The following CCHCR1 variants were observed in gnomAD, a reference collection of about 807,000 sequenced individuals.
CCHCR1 encodes the protein HCR (a-helix coiled-coil rod homologue).
A neutral mutation model predicts 114.6 loss-of-function variants in CCHCR1; 91 were observed. The observed-to-expected ratio is 0.79, with a 90% CI of 0.67 to 0.94. CCHCR1 has a LOEUF of 0.94. Among genes scored for constraint, CCHCR1 ranks in the 40% least tolerant of loss-of-function variants. CCHCR1 has a pLI of 0.00. For missense variants in CCHCR1, 899 were observed against 1,079.9 expected, an observed-to-expected ratio of 0.83 and a Z score of 2.35; for synonymous variants, 379 against 428.5, an observed-to-expected ratio of 0.88 and a Z score of 1.43.
At position 31,144,634 on chromosome 6, in the gene CCHCR1, G is replaced by A. The variant is rs773959414; in HGVS notation, c.2167+53C>T. 5 of 1,146,696 alleles carry A rather than the reference G, an allele frequency of 4.4e-6. No homozygotes were observed. Among genetic ancestry groups the A allele is most frequent in the Non-Finnish European group, 6.4e-6 (5 of 777,740 alleles). 71.0% of individuals were successfully genotyped at this position (1,146,696 alleles called of 1,614,324 possible). ...TTTGAGGGGAAAATAATAACCTTATGTCTTAACACTTCCTTCTTCCTGGAA... is the reference window on the plus strand; with the variant it reads ...TTTGAGGGGAAAATAATAACCTTATATCTTAACACTTCCTTCTTCCTGGAA... On this transcript the variant is annotated intron_variant, in intron 15 of 17. Transcript: ENST00000396268. The surrounding 1 kb of genome is among the most constrained non-coding windows in gnomAD (Gnocchi z 4.6).
chr6:31,157,503 G>C lies in CCHCR1; in HGVS notation c.98C>G (p.Ser33Ter), dbSNP rs1776220998. 1 of 1,613,024 alleles carries C rather than the reference G, an allele frequency of 6.2e-7. No homozygotes were observed. Among genetic ancestry groups the C allele is most frequent in the African/African-American group, 1.3e-5 (1 of 75,032 alleles). Reference sequence around the variant, plus strand: ...TTCTCTCCATGGCTCAGCAAGGCCTGAGGGAAGCCCATCCAGACACCAGCA... The same window carrying C: ...TTCTCTCCATGGCTCAGCAAGGCCTCAGGGAAGCCCATCCAGACACCAGCA... Reference protein sequence around the residue: ...MACWCLDGLPSGLAEPWRELW... With the variant: ...MACWCLDGLP Residue 33 changes from serine (S) to a stop codon, truncating the protein, a stop_gained, in exon 1 of 18, where the codon TCA (serine) becomes TGA (stop). Transcript: ENST00000396268. LOFTEE classifies it high-confidence loss of function.
At position 31,151,573 on chromosome 6, in the gene CCHCR1, C is replaced by T. The variant is rs925838720; in HGVS notation, c.802-451G>A. ...GGGGAGTCTGCTGAGAACCAGACAG[C>T]GGCCCCTCCTTGCTCCACAGACCCC... On this transcript the variant is annotated intron_variant, in intron 4 of 17. Transcript: ENST00000396268. This position sits in a 1 kb window ranked among gnomAD's most constrained non-coding sequence, Gnocchi z 4.1. 6.6e-6 allele frequency among the ~76,000 whole-genome samples: 1 copy of T among 152,316 alleles called. No individual in the cohort carries two copies. Among genetic ancestry groups the T allele is most frequent in the Non-Finnish European group, 1.5e-5 (1 of 68,020 alleles).
rs1561833818 is a variant in CCHCR1 at position 31,157,639 on chromosome 6, CCGCCT to C, written c.-44_-40del. The C allele has an allele frequency of 1.8e-5, 27 of 1,521,404 alleles. No individual in the cohort carries two copies. The highest frequency in any genetic ancestry group is 2.4e-5 in the Non-Finnish European group (27 of 1,116,464). 94.2% of individuals were successfully genotyped at this position (1,521,404 alleles called of 1,614,324 possible). On this transcript the variant is annotated 5_prime_UTR_variant, in exon 1 of 18. The change abolishes the stop of an existing upstream ORF in the 5' untranslated region. Transcript: ENST00000396268. ...CTCCCCAAGACCTTGGGAATCCAGG[CCGCCT>C]AGATCCCCAGGCAGAAAAGCCAGCG...
Position 31,144,880 on chromosome 6 carries a change from G to A in CCHCR1, c.2065+5C>T, listed in dbSNP as rs915584904. 3.1e-6 allele frequency: 5 copies of A among 1,613,052 alleles called. No individual in the cohort carries two copies. The highest frequency in any genetic ancestry group is 4.2e-6 in the Non-Finnish European group (5 of 1,179,550). On this transcript the variant is annotated splice_donor_5th_base_variant and intron_variant, in intron 14 of 17. Coordinates refer to ENST00000396268, the MANE Select transcript of CCHCR1 (RefSeq NM_001105564.2). This position sits in a 1 kb window ranked among gnomAD's most constrained non-coding sequence, Gnocchi z 4.6. ...CAAGGGAAGCACCCATTTCCCTCTC[G>A]ACACCTTGCCCGTAGAGTTCCTGCT...
chr6:31,146,031 T>C (rs1774282418), intron 10 of CCHCR1, among the ~76,000 whole-genome samples: 1 of 152,228 alleles, frequency 6.6e-6, no homozygotes, highest in African/African-American at 2.4e-5. Flanking sequence ...TTTTGCTCAC[T>C]ATCGTGTATC....
At position 31,148,855 on chromosome 6, in the gene CCHCR1, G is replaced by A. The variant is rs1299790121; in HGVS notation, c.1363-127C>T. 4.4e-5 allele frequency: 10 copies of A among 227,980 alleles called. 1 individual carries two copies. In the East Asian group the frequency reaches 9.1e-4, roughly 21 times the overall value. 14.1% of individuals were successfully genotyped at this position (227,980 alleles called of 1,614,324 possible). On this transcript the variant is annotated intron_variant, in intron 8 of 17. Coordinates refer to ENST00000396268, the MANE Select transcript of CCHCR1 (RefSeq NM_001105564.2). ...TGCAGGGGCTGGGGGGAGGGGGGGCGGGCGACGGGGGTGGGTTGCAGCACG... is the reference window on the plus strand; with the variant it reads ...TGCAGGGGCTGGGGGGAGGGGGGGCAGGCGACGGGGGTGGGTTGCAGCACG...
At position 31,156,993 on chromosome 6, in the gene CCHCR1, C is replaced by A. The variant is rs759094226; in HGVS notation, c.283+30G>T. 2.5e-6 allele frequency: 4 copies of A among 1,610,774 alleles called. No individual in the cohort carries two copies. The African/African-American group carries it at 5.3e-5, about 22-fold the overall frequency. On this transcript the variant is annotated intron_variant, in intron 2 of 17. Transcript: ENST00000396268. ...TGGTCAGTTTCCCAGGCAGAGACAA[C>A]CACCACTCCCCTTGTCTGGTCCCAC...
chr6:31,152,903 C>T (rs924384009), intron 4 of CCHCR1, among the ~76,000 whole-genome samples: 5 of 152,178 alleles, frequency 3.3e-5, no homozygotes, highest in African/African-American at 9.6e-5. Flanking sequence ...CTCCTGTCCC[C>T]GCCTTCACCT....
At position 31,144,810 on chromosome 6, in the gene CCHCR1, G is replaced by T; in HGVS notation, c.2066-22C>A. 1.9e-6 allele frequency: 3 copies of T among 1,611,338 alleles called. No homozygotes were observed. The highest frequency in any genetic ancestry group is 2.5e-6 in the Non-Finnish European group (3 of 1,177,608). On this transcript the variant is annotated intron_variant, in intron 14 of 17. Transcript: ENST00000396268. The surrounding 1 kb of genome is among the most constrained non-coding windows in gnomAD (Gnocchi z 4.6). The stretch of plus-strand genomic sequence containing the variant: ...AGGGCTGGGGTGAAAGTGCAGACGG[G>T]GCATATCAGCAGGAGCTTTGATTCG...
In CCHCR1 at chr6:31,145,452, C is replaced by T; in HGVS notation, c.1735G>A (p.Glu579Lys). 1.2e-6 allele frequency: 2 copies of T among 1,614,190 alleles called. No individual in the cohort carries two copies. The highest frequency in any genetic ancestry group is 1.7e-6 in the Non-Finnish European group (2 of 1,180,034). Residue 579 changes from glutamate (E) to lysine (K), a missense_variant, in exon 12 of 18, where the codon GAG (glutamate) becomes AAG (lysine). Glu to Lys is a moderately conservative substitution (Grantham distance 56). Coordinates refer to ENST00000396268, the MANE Select transcript of CCHCR1 (RefSeq NM_001105564.2). ...RKLALAQLRQ[E>K]SCPLPPPVTD... is the part of the protein sequence containing the mutation. ...CTCAAAGTGCCCAAACTTCACCTCT[C>T]CTGGCGCAGCTGAGCAAGGGCAAGC...
At position 31,148,700 on chromosome 6, in the gene CCHCR1, G is replaced by T. The variant is rs746668786; in HGVS notation, c.1391C>A (p.Ser464Tyr). 3.7e-6 allele frequency: 6 copies of T among 1,612,836 alleles called. No homozygotes were observed. The East Asian group carries it at 1.3e-4, about 36-fold the overall frequency. Residue 464 changes from serine (S) to tyrosine (Y), a missense_variant, in exon 9 of 18, where the codon TCC becomes TAC. By Grantham distance (144) the Ser-to-Tyr change is moderately radical (BLOSUM62 -2). Transcript: ENST00000396268. The stretch of plus-strand genomic sequence containing the variant: ...CAGGATGGCCTGCTCCTGGCTCTGG[G>T]ATGTCACTTTTTCCTGGAGTGAGGC... ...QVASLQEKVTSQSQEQAILQR... is the reference protein window; with the variant it reads ...QVASLQEKVTYQSQEQAILQR...
intron 8 of CCHCR1, among the ~76,000 whole-genome samples, chr6:31,148,978 C>A (rs1435257399): frequency 6.6e-6 from 1 of 151,926 alleles, no homozygotes. Context: ...ATGGTGAAAG[C>A]CTGTCTCTAC....
At chr6:31,149,626 TAG>T (rs151045656) in intron 8 of CCHCR1, 11,762 of 153,818 alleles carry the variant, frequency 0.076, 592 homozygotes, top group African/African-American at 0.14. Flanking sequence ...GTATTTTTAG[TAG>T]AGACGGGATT....
Position 31,154,599 on chromosome 6 carries a change from T to C in CCHCR1, c.698A>G (p.Glu233Gly). The C allele has an allele frequency of 6.2e-7, 1 of 1,613,048 alleles. No homozygotes were observed. The highest frequency in any genetic ancestry group is 1.7e-5 in the Admixed American group (1 of 60,024). ...CCCAGCCAAAGCAGCACGCAGGCCC[T>C]CAGCCTCAGCTCGGCCGGCCTTCTC... ...RAEKAGRAEA[E>G]GLRAALAGAE... The change falls in exon 4 of 18, where the codon GAG (glutamate) becomes GGG (glycine). Residue 233 changes from glutamate to glycine, a missense_variant. Coordinates refer to ENST00000396268, the MANE Select transcript of CCHCR1 (RefSeq NM_001105564.2). The surrounding 1 kb of genome is among the most constrained non-coding windows in gnomAD (Gnocchi z 4.1).
rs1358364939 is a variant in CCHCR1 at position 31,154,208 on chromosome 6, T to A, written c.801+288A>T. Among the ~76,000 whole-genome samples, 1 of 152,132 alleles carries A rather than the reference T, an allele frequency of 6.6e-6. No homozygotes were observed. Among genetic ancestry groups the A allele is most frequent in the Non-Finnish European group, 1.5e-5 (1 of 68,010 alleles). ...CTCCACAATACCCCTGATGAATTGG[T>A]ACCTGGAGTAAAGTAGGGAGGCAAA... On this transcript the variant is annotated intron_variant, in intron 4 of 17. Transcript: ENST00000396268. This position sits in a 1 kb window ranked among gnomAD's most constrained non-coding sequence, Gnocchi z 4.1.
Position 31,143,482 on chromosome 6 carries a change from A to T in CCHCR1, c.2168-69T>A. ...CCAGAGGCAGCCAGGCACCATGAAG[A>T]CAGGAACAAACGCTGGGTCACCAAC... is the stretch of plus-strand genomic sequence containing the variant. On this transcript the variant is annotated intron_variant, in intron 15 of 17. Coordinates refer to ENST00000396268, the MANE Select transcript of CCHCR1 (RefSeq NM_001105564.2). This position sits in a 1 kb window ranked among gnomAD's most constrained non-coding sequence, Gnocchi z 5.3. The T allele has an allele frequency of 1.9e-6, 3 of 1,545,568 alleles. No homozygotes were observed. Among genetic ancestry groups the T allele is most frequent in the Non-Finnish European group, 2.6e-6 (3 of 1,135,430 alleles).
intron 4 of CCHCR1, among the ~76,000 whole-genome samples, chr6:31,153,618 C>T (rs1162338348): frequency 6.6e-6 from 1 of 152,014 alleles, no homozygotes; most frequent in African/African-American, 2.4e-5. Flanking sequence ...CTTGCTCTGT[C>T]GCCCAGGCTG....
At chr6:31,145,358 G>A in intron 12 of CCHCR1, 56 bp from the exon 13 acceptor site, 1 of 1,612,184 alleles carries the variant, frequency 6.2e-7, no homozygotes, top group Admixed American at 1.7e-5. Flanking sequence ...TGATCCCAAA[G>A]CCCCCATCCC....
At position 31,150,668 on chromosome 6, in the gene CCHCR1, G is replaced by A; in HGVS notation, c.1101+57C>T. 5 of 1,599,308 alleles carry A rather than the reference G, an allele frequency of 3.1e-6. No homozygotes were observed. Among genetic ancestry groups the A allele is most frequent in the Non-Finnish European group, 4.3e-6 (5 of 1,171,634 alleles). ...CTCTACACGCTCCTCCAAGGGCCAC[G>A]CTTGCCTCCCAACCTGATCCCTAAG... On this transcript the variant is annotated intron_variant, in intron 6 of 17. Coordinates refer to ENST00000396268, the MANE Select transcript of CCHCR1 (RefSeq NM_001105564.2). The surrounding 1 kb of genome is among the most constrained non-coding windows in gnomAD (Gnocchi z 5.3).
Sources: gnomAD v4.1 joint callset for allele counts (sites outside exome capture counted in the v4.1 genomes callset) on GRCh38, gnomAD v4.1.1 for gene constraint, Gnocchi (gnomAD v3.1) non-coding constraint, MANE v1.5 for transcripts, NCBI Gene and HGNC (gene_info 2026-07-23, HGNC 2026-07-21) for gene names.